Variants in PLPP1 observed in about 807,000 individuals in gnomAD.
The protein encoded by PLPP1 is phospholipid phosphatase 1.
Under a neutral mutation model 31.2 loss-of-function variants are expected in PLPP1, and 24 were observed. That is an observed-to-expected ratio of 0.77 (90% CI 0.56 to 1.08). PLPP1 has a LOEUF of 1.08. Among genes scored for constraint, PLPP1 ranks in the 50% least tolerant of loss-of-function variants. PLPP1 has a pLI of 0.00. For missense variants in PLPP1, 319 were observed against 342.7 expected (o/e 0.93, Z 0.55); for synonymous variants, 146 against 126.3 (o/e 1.16, Z -1.05).
chr5:55,425,734 A>G (rs1171287224), intron 5 of PLPP1, 129 bp downstream of exon 5: 5 of 855,056 alleles, frequency 5.8e-6, no homozygotes, highest in Admixed American at 3.3e-5. Flanking sequence ...GTGACTTTTA[A>G]TAACATTGAG....
intron 1 of PLPP1, among the ~76,000 whole-genome samples, chr5:55,532,407 T>C (rs1205982869): frequency 6.6e-6 from 1 of 152,212 alleles, no homozygotes; most frequent in Non-Finnish European, 1.5e-5. Flanking sequence ...TGATATGTAA[T>C]TCTGATAGTG....
intron 1 of PLPP1, among the ~76,000 whole-genome samples, chr5:55,522,277 T>C (rs941480285): frequency 6.6e-6 from 1 of 152,268 alleles, no homozygotes; most frequent in Non-Finnish European, 1.5e-5. Context: ...GAAGAAAAAG[T>C]CTGTGAGCAT....
rs1251869957 is a variant in PLPP1 at position 55,484,015 on chromosome 5, AG to A, written c.59-8566del. The stretch of plus-strand genomic sequence containing the variant: ...TAATAGACAGTGACAAAGGCTCTTT[AG>A]TTGACTAAACATTAGTTAACCAGCT... On this transcript the variant is annotated intron_variant, in intron 1 of 5. Coordinates refer to ENST00000307259, the MANE Select transcript of PLPP1 (RefSeq NM_003711.4). Among the ~76,000 whole-genome samples the A allele has an allele frequency of 2.0e-5, 3 of 152,320 alleles. No individual in the cohort carries two copies. In the East Asian group the frequency reaches 5.8e-4, roughly 29 times the overall value.
rs1018553228 is a variant in PLPP1 at position 55,425,997 on chromosome 5, A to G, written c.592T>C (p.Leu198=). 1.9e-6 allele frequency: 3 copies of G among 1,613,012 alleles called. No homozygotes were observed. Among genetic ancestry groups the G allele is most frequent in the African/African-American group, 2.7e-5 (2 of 74,870 alleles). The change falls in exon 5 of 6, where the codon TTA becomes CTA. Residue 198 remains leucine, a synonymous_variant. Coordinates refer to ENST00000307259, the MANE Select transcript of PLPP1 (RefSeq NM_003711.4). ...AGACCAAATTGCAGTGTGGGGCGTA[A>G]GAGTCTTGCCCAGTCTCCCTTCATC... ...ARMKGDWARL[L]RPTLQFGLVA...
intron 1 of PLPP1, among the ~76,000 whole-genome samples, chr5:55,501,684 A>G (rs1160574790): frequency 1.3e-5 from 2 of 152,094 alleles, no homozygotes; most frequent in African/African-American, 4.8e-5. Context: ...TTGTATTTTT[A>G]GCAGAGACAG....
In PLPP1 at chr5:55,424,972, G is replaced by A; in HGVS notation, c.*234C>T. ...CATTTTTTTAATAAAAATGTATACA[G>A]GTGGGGCACTGTTTTGGTGGAAGGC... On this transcript the variant is annotated 3_prime_UTR_variant, in exon 6 of 6. Transcript: ENST00000307259. 1 of 644,288 alleles carries A rather than the reference G, an allele frequency of 1.6e-6. No individual in the cohort carries two copies. The highest frequency in any genetic ancestry group is 2.6e-6 in the Non-Finnish European group (1 of 383,760). The allele number at this position is 644,288 out of a possible 1,614,324, so 39.9% of individuals were successfully genotyped here. A position where few individuals can be genotyped will look rare whatever the true frequency, so the allele number is the denominator to read the frequency against.
rs986649368 is a variant in PLPP1, at chr5:55,464,438, G to A, written c.491+3431C>T. ...TTTAGTAGAGATGGGGTTTCACTAC[G>A]TTGGCCAGGCTGGTCTCGAAATCCT... On this transcript the variant is annotated intron_variant, in intron 3 of 5. Transcript: ENST00000307259. Among the ~76,000 whole-genome samples, 8 of 152,086 alleles carry A rather than the reference G, an allele frequency of 5.3e-5. No individual in the cohort carries two copies. In the South Asian group the frequency reaches 6.3e-4, roughly 12 times the overall value.
chr5:55,529,964 A>G (rs1478909299), intron 1 of PLPP1, among the ~76,000 whole-genome samples: 1 of 152,240 alleles, frequency 6.6e-6, no homozygotes, highest in Non-Finnish European at 1.5e-5. Flanking sequence ...AGCTAATGTC[A>G]TAACTTTCAT....
chr5:55,436,105 C>A (rs1751488381), intron 4 of PLPP1, among the ~76,000 whole-genome samples: 1 of 151,802 alleles, frequency 6.6e-6, no homozygotes, highest in Non-Finnish European at 1.5e-5. Flanking sequence ...ATAAGGACAC[C>A]AAGCATCACA....
intron 3 of PLPP1, among the ~76,000 whole-genome samples, chr5:55,463,441 C>G (rs1031548265): frequency 6.6e-6 from 1 of 152,062 alleles, no homozygotes; most frequent in Non-Finnish European, 1.5e-5. Context: ...GCGAGTAGAT[C>G]ACTTGAGGTC....
intron 4 of PLPP1, among the ~76,000 whole-genome samples, chr5:55,426,572 GTTTT>G (rs10573958): frequency 5.3e-4 from 78 of 148,340 alleles, no homozygotes; most frequent in Non-Finnish European, 5.1e-4. Flanking sequence ...CAGCTAATTG[GTTTT>G]TTTTTTTTTT....
At chr5:55,457,030 C>T (rs1752029765) in intron 3 of PLPP1, among the ~76,000 whole-genome samples, 1 of 151,920 alleles carries the variant, frequency 6.6e-6, no homozygotes, top group Non-Finnish European at 1.5e-5. Flanking sequence ...GAGGGTGGTG[C>T]AGGCCTGTAA....
chr5:55,426,107 G>A (rs868251182), intron 4 of PLPP1, 68 bp from the exon 5 acceptor site: 8 of 1,352,960 alleles, frequency 5.9e-6, no homozygotes, highest in Middle Eastern at 4.5e-4. Flanking sequence ...ATTAAGGAAG[G>A]GTTGGCATTT....
At chr5:55,448,174 A>G (rs1212851053) in intron 3 of PLPP1, among the ~76,000 whole-genome samples, 1 of 152,214 alleles carries the variant, frequency 6.6e-6, no homozygotes, top group Non-Finnish European at 1.5e-5. Context: ...TTGACAATCG[A>G]TAACTGTGCT....
intron 1 of PLPP1, among the ~76,000 whole-genome samples, chr5:55,497,412 A>C (rs1753025815): frequency 2.9e-5 from 4 of 140,264 alleles, no homozygotes; most frequent in Non-Finnish European, 6.2e-5. Context: ...TTCCTGGCTA[A>C]TTTTTTCTTT....
chr5:55,518,544 A>G (rs549764083), intron 1 of PLPP1, among the ~76,000 whole-genome samples: 1 of 152,278 alleles, frequency 6.6e-6, no homozygotes, highest in African/African-American at 2.4e-5. Context: ...AAAGCCAGGC[A>G]GGAGGCCTAC....
chr5:55,504,524 CAAAAAAAAAAA>C (rs70995703), intron 1 of PLPP1, among the ~76,000 whole-genome samples: 1 of 54,286 alleles, frequency 1.8e-5, no homozygotes, highest in Non-Finnish European at 3.2e-5. Context: ...GACTCCATCT[CAAAAAAAAAAA>C]AAAAAAAAAA....
chr5:55,480,229 C>G (rs1752641431), intron 1 of PLPP1, among the ~76,000 whole-genome samples: 1 of 152,130 alleles, frequency 6.6e-6, no homozygotes, highest in South Asian at 2.1e-4. Flanking sequence ...CTACCCTTGT[C>G]AAACACTGTT....
intron 2 of PLPP1, among the ~76,000 whole-genome samples, chr5:55,471,446 C>T (rs1339685721): frequency 6.6e-6 from 1 of 152,114 alleles, no homozygotes; most frequent in Non-Finnish European, 1.5e-5. Flanking sequence ...GTGATCCACC[C>T]GCCTTGGCCT....
Sources: gnomAD v4.1 joint callset for allele counts (sites outside exome capture counted in the v4.1 genomes callset) on GRCh38, gnomAD v4.1.1 for gene constraint, MANE v1.5 for transcripts, NCBI Gene and HGNC (gene_info 2026-07-23, HGNC 2026-07-21) for gene names.